Variants in CNN3 observed in about 807,000 individuals in gnomAD.
CNN3 encodes the protein calponin-3.
In CNN3, 11 loss-of-function variants were observed where a neutral mutation model predicts 39.0. The ratio of observed to expected loss-of-function variants is 0.28; its 90% confidence interval spans 0.18 to 0.47. CNN3 has a LOEUF of 0.47. CNN3 is among the 20% of genes least tolerant of loss of function. CNN3 has a pLI of 0.99. For synonymous variants in CNN3, 101 were observed against 138.3 expected, an observed-to-expected ratio of 0.73 and a Z score of 1.89; for missense variants, 266 against 403.4, an observed-to-expected ratio of 0.66 and a Z score of 2.92.
chr1:94,903,828 G>A (rs1337399151), intron 1 of CNN3, among the ~76,000 whole-genome samples: 1 of 152,054 alleles, frequency 6.6e-6, no homozygotes, highest in Non-Finnish European at 1.5e-5. Context: ...AGGATTTAAT[G>A]GTATGTTACA....
chr1:94,920,126 A>C (rs960392454), intron 1 of CNN3, among the ~76,000 whole-genome samples: 2 of 152,224 alleles, frequency 1.3e-5, no homozygotes, highest in Admixed American at 1.3e-4. Flanking sequence ...AGCAGAATAC[A>C]ACCAAGCCCG....
At chr1:94,903,330 G>A (rs1448846655) in intron 2 of CNN3, 73 bp downstream of exon 2, 2 of 1,545,602 alleles carry the variant, frequency 1.3e-6, no homozygotes, top group Non-Finnish European at 1.7e-6. Flanking sequence ...CCTGGGCTGA[G>A]AAGGAGAGTG....
intron 1 of CNN3, among the ~76,000 whole-genome samples, chr1:94,922,470 G>C (rs1483356615): frequency 6.6e-6 from 1 of 152,156 alleles, no homozygotes; most frequent in Non-Finnish European, 1.5e-5. Context: ...TATCGATCTT[G>C]AGACACACCC....
intron 3 of CNN3, among the ~76,000 whole-genome samples, chr1:94,902,729 C>T (rs1203699987): frequency 6.6e-6 from 1 of 152,158 alleles, no homozygotes. Flanking sequence ...CTCATACACA[C>T]TCATGAACTA....
At chr1:94,906,148 A>C (rs1365325978) in intron 1 of CNN3, among the ~76,000 whole-genome samples, 1 of 151,718 alleles carries the variant, frequency 6.6e-6, no homozygotes, top group Non-Finnish European at 1.5e-5. Flanking sequence ...ACGCCACGCT[A>C]ATTTTCATGT....
rs372899346 is a variant in CNN3, at chr1:94,901,110, T to C, written c.501+559A>G. Among the ~76,000 whole-genome samples the C allele has an allele frequency of 1.1e-4, 17 of 152,122 alleles. 1 individual carries two copies. The highest frequency in any genetic ancestry group is 8.5e-4 in the Admixed American group (13 of 15,282). Reference sequence around the variant, plus strand: ...AGTTCACGCCTGTAATCCAAGCACTTTGGGAGGCCGAGGTGGGCAGATCAC... The same window carrying C: ...AGTTCACGCCTGTAATCCAAGCACTCTGGGAGGCCGAGGTGGGCAGATCAC... On this transcript the variant is annotated intron_variant, in intron 5 of 6. Coordinates refer to ENST00000370206, the MANE Select transcript of CNN3 (RefSeq NM_001839.5).
At chr1:94,903,885 C>CA (rs1160601688) in intron 1 of CNN3, among the ~76,000 whole-genome samples, 3 of 151,980 alleles carry the variant, frequency 2.0e-5, no homozygotes, top group Non-Finnish European at 4.4e-5. Flanking sequence ...CACCCTATTC[C>CA]AAAAAAAGCT....
intron 1 of CNN3, among the ~76,000 whole-genome samples, chr1:94,924,023 A>C (rs753346943): frequency 3.3e-5 from 5 of 152,170 alleles, no homozygotes; most frequent in Non-Finnish European, 5.9e-5. Flanking sequence ...CTGTCTCCCC[A>C]GGATGTTTCT....
intron 6 of CNN3, 43 bp from the exon 7 acceptor site, chr1:94,898,126 A>C: frequency 6.6e-7 from 1 of 1,516,396 alleles, no homozygotes; most frequent in Non-Finnish European, 9.0e-7. Context: ...AGCAGCTAGA[A>C]TCTATTCTTG....
intron 6 of CNN3, among the ~76,000 whole-genome samples, chr1:94,898,608 C>T (rs1339871007): frequency 6.6e-6 from 1 of 152,188 alleles, no homozygotes; most frequent in Non-Finnish European, 1.5e-5. Context: ...AGCCACTTCA[C>T]AGCCACTCCC....
intron 1 of CNN3, among the ~76,000 whole-genome samples, chr1:94,911,199 T>A (rs1010398061): frequency 6.6e-6 from 1 of 152,198 alleles, no homozygotes; most frequent in Non-Finnish European, 1.5e-5. Flanking sequence ...CACCACAGAA[T>A]CTAAGACTCA....
intron 6 of CNN3, among the ~76,000 whole-genome samples, chr1:94,898,389 T>C (rs934258618): frequency 1.3e-5 from 2 of 152,220 alleles, no homozygotes; most frequent in African/African-American, 4.8e-5. Flanking sequence ...GAGACATTAC[T>C]ACCTACTCTG....
In CNN3 at chr1:94,897,882, C is replaced by T; in HGVS notation, c.850G>A (p.Gly284Arg). 1.2e-6 allele frequency: 2 copies of T among 1,614,076 alleles called. No individual in the cohort carries two copies. Among genetic ancestry groups the T allele is most frequent in the Non-Finnish European group, 8.5e-7 (1 of 1,180,000 alleles). ...CCATTTGTTCCTGTTCCTTGGCTTC[C>T]GTTGTGAATGACAGGTTCTGTAGGA... is the stretch of plus-strand genomic sequence containing the variant. ...AAPTEPVIHN[G>R]SQGTGTNGSE... The change falls in exon 7 of 7, where the codon GGA becomes AGA. Residue 284 changes from glycine to arginine, a missense_variant. Gly to Arg is a moderately radical substitution (Grantham distance 125). Coordinates refer to ENST00000370206, the MANE Select transcript of CNN3 (RefSeq NM_001839.5).
Position 94,898,092 on chromosome 1 carries a change from A to G in CNN3, c.649-9T>C. On this transcript the variant is annotated splice_polypyrimidine_tract_variant and intron_variant, in intron 6 of 6. Transcript: ENST00000370206. ...GGTGCTAACATCCCTGCCTGGTATT[A>G]GAACATAGTATAAAAGTTAAAACAG... The G allele has an allele frequency of 6.2e-7, 1 of 1,608,922 alleles. No individual in the cohort carries two copies. Among genetic ancestry groups the G allele is most frequent in the South Asian group, 1.1e-5 (1 of 90,776 alleles).
At chr1:94,902,459 A>G (rs1185000032) in intron 3 of CNN3, among the ~76,000 whole-genome samples, 1 of 152,200 alleles carries the variant, frequency 6.6e-6, no homozygotes, top group Non-Finnish European at 1.5e-5. Flanking sequence ...TGTGGGTCAC[A>G]TCACAGTCTT....
intron 3 of CNN3, 134 bp downstream of exon 3, chr1:94,902,988 A>G: frequency 1.7e-6 from 1 of 586,422 alleles, no homozygotes; most frequent in Non-Finnish European, 2.8e-6. Flanking sequence ...TTCTGCTACA[A>G]TGTCTATGTA....
At chr1:94,907,296 C>T (rs527792611) in intron 1 of CNN3, among the ~76,000 whole-genome samples, 14 of 152,134 alleles carry the variant, frequency 9.2e-5, no homozygotes, top group African/African-American at 3.1e-4. Flanking sequence ...CCAAATACTT[C>T]GAATATTTTT....
chr1:94,903,354 T>C, intron 2 of CNN3, 49 bp downstream of exon 2: 2 of 1,548,526 alleles, frequency 1.3e-6, no homozygotes, highest in African/African-American at 2.8e-5. Context: ...GAGAAGGCTG[T>C]GGAAAGAACT....
chr1:94,919,117 T>C (rs1003263602), intron 1 of CNN3, among the ~76,000 whole-genome samples: 2 of 152,074 alleles, frequency 1.3e-5, no homozygotes, highest in South Asian at 4.1e-4. Flanking sequence ...TGGCAAATAA[T>C]GCGTCTGTAT....
Sources: allele counts gnomAD v4.1 joint callset (sites outside exome capture counted in the v4.1 genomes callset), GRCh38; gene constraint gnomAD v4.1.1; transcripts MANE v1.5; gene names NCBI Gene and HGNC (gene_info 2026-07-23, HGNC 2026-07-21).